TMX2: variants seen among roughly 807,000 people sequenced by gnomAD.
The protein encoded by TMX2 is thioredoxin related transmembrane protein 2, also known as thioredoxin-related transmembrane protein 2.
TMX2 carries 20 observed loss-of-function variants against 33.4 expected under a neutral mutation model. The ratio of observed to expected loss-of-function variants is 0.60; its 90% CI spans 0.42 to 0.87. The LOEUF (loss-of-function observed/expected upper bound fraction) is 0.87, where lower values mean the gene tolerates loss of function less well. Ranked by LOEUF, TMX2 falls within the 40% of genes least tolerant of loss-of-function variation. The probability of loss-of-function intolerance (pLI) is 0.00; values close to 1 mark genes in which losing one functional copy is unlikely to be tolerated. For synonymous variants in TMX2, 166 were observed against 140.7 expected, an observed-to-expected ratio of 1.18 and a Z score of -1.27; for missense variants, 340 against 370.7, an observed-to-expected ratio of 0.92 and a Z score of 0.68.
chr11:57,731,125 G>GTTTTT (rs757832822), intron 1 of TMX2, among the ~76,000 whole-genome samples: 5 of 85,820 alleles, frequency 5.8e-5, no homozygotes, highest in African/African-American at 1.3e-4. Context: ...TTTGTTTTTT[G>GTTTTT]TTTTTTTTTT....
chr11:57,739,841 A>G lies in TMX2; in HGVS notation c.745-258A>G, dbSNP rs191931735. On this transcript the variant is annotated intron_variant, in intron 7 of 7. Transcript: ENST00000278422. ...CCCTGTCAGTTAATTGGAGGTAATA[A>G]CCCCTGGCTTACAGGGTTGTTTTGC... Among the ~76,000 whole-genome samples the G allele has an allele frequency of 2.0e-4, 31 of 152,214 alleles. No homozygotes were observed. The East Asian group carries it at 2.9e-3, about 14-fold the overall frequency.
At chr11:57,739,282 T>C in intron 7 of TMX2, 22 bp downstream of exon 7, 1 of 1,613,860 alleles carries the variant, frequency 6.2e-7, no homozygotes, top group African/African-American at 1.3e-5. Context: ...GAAGGGCAGG[T>C]GCATGAAGGG....
At chr11:57,736,080 CCT>C (rs1169813407) in intron 1 of TMX2, among the ~76,000 whole-genome samples, 1 of 151,920 alleles carries the variant, frequency 6.6e-6, no homozygotes, top group East Asian at 1.9e-4. Context: ...GACCTCACAC[CCT>C]GTTATGGCCG....
intron 1 of TMX2, among the ~76,000 whole-genome samples, chr11:57,734,188 G>A (rs1324110523): frequency 3.4e-4 from 38 of 113,358 alleles, no homozygotes; most frequent in African/African-American, 8.8e-4. Context: ...AAAAAAAAAA[G>A]GACTGCAAGG....
In TMX2 at chr11:57,740,525, C is replaced by T. The variant is rs905546249; in HGVS notation, c.*280C>T. The T allele has an allele frequency of 4.3e-5, 14 of 325,206 alleles. No homozygotes were observed. The highest frequency in any genetic ancestry group is 7.9e-5 in the Non-Finnish European group (14 of 176,258). The allele number at this position is 325,206 out of a possible 1,614,324, so 20.1% of individuals were successfully genotyped here. ...CAAGCTTGGGTCAGTGTGTTAACTG[C>T]TTATCAGCTATTCAGACATCTCCAT... On this transcript the variant is annotated 3_prime_UTR_variant, in exon 8 of 8. Transcript: ENST00000278422.
chr11:57,730,181 CTT>C (rs1162978586), intron 1 of TMX2, among the ~76,000 whole-genome samples: 2 of 150,420 alleles, frequency 1.3e-5, no homozygotes, highest in Non-Finnish European at 3.0e-5. Context: ...ATCCCAGTAA[CTT>C]TGGGAGGCCG....
At chr11:57,728,338 A>T (rs895618774) in intron 1 of TMX2, among the ~76,000 whole-genome samples, 1 of 151,928 alleles carries the variant, frequency 6.6e-6, no homozygotes, top group Non-Finnish European at 1.5e-5. Flanking sequence ...AATTTTTTAT[A>T]TTTTTAGTAG....
chr11:57,728,032 CCTCT>C (rs1346414371), intron 1 of TMX2, among the ~76,000 whole-genome samples: 3 of 152,206 alleles, frequency 2.0e-5, no homozygotes, highest in Admixed American at 6.5e-5. Context: ...ATGTCTCATG[CCTCT>C]CTAAAATATT....
At chr11:57,731,433 CTTTTTT>C (rs140987390) in intron 1 of TMX2, among the ~76,000 whole-genome samples, 4 of 66,998 alleles carry the variant, frequency 6.0e-5, no homozygotes, top group Admixed American at 2.1e-4. Flanking sequence ...CGCACCCAGC[CTTTTTT>C]TTTTTTTTTT....
chr11:57,720,534 G>A (rs1006374184), intron 1 of TMX2, among the ~76,000 whole-genome samples: 4 of 152,160 alleles, frequency 2.6e-5, no homozygotes, highest in Non-Finnish European at 5.9e-5. Flanking sequence ...CTGAGTAGCT[G>A]GGATCACAGG....
intron 1 of TMX2, among the ~76,000 whole-genome samples, chr11:57,734,843 A>G (rs1208050430): frequency 6.6e-6 from 1 of 152,100 alleles, no homozygotes; most frequent in African/African-American, 2.4e-5. Context: ...TCATTCATGA[A>G]AATCTTTCCT....
chr11:57,730,610 C>T (rs536441673), intron 1 of TMX2, among the ~76,000 whole-genome samples: 7 of 151,504 alleles, frequency 4.6e-5, no homozygotes, highest in East Asian at 3.9e-4. Flanking sequence ...TGGTGGTGGG[C>T]GCCTGTAATC....
intron 1 of TMX2, among the ~76,000 whole-genome samples, chr11:57,725,176 G>A (rs1454050654): frequency 6.6e-6 from 1 of 152,144 alleles, no homozygotes; most frequent in African/African-American, 2.4e-5. Flanking sequence ...AGCCTTTTGT[G>A]TGGAGCATTT....
intron 1 of TMX2, among the ~76,000 whole-genome samples, chr11:57,734,996 GGT>G (rs1277156566): frequency 6.6e-6 from 1 of 151,116 alleles, no homozygotes; most frequent in East Asian, 2.0e-4. Context: ...CGGGCGTGGT[GGT>G]GGGCACCTGT....
chr11:57,713,643 G>A (rs770121701), intron 1 of TMX2, among the ~76,000 whole-genome samples: 2 of 152,168 alleles, frequency 1.3e-5, no homozygotes, highest in Non-Finnish European at 2.9e-5. Context: ...ATTAATAGGA[G>A]AAAGGCATAG....
At chr11:57,718,757 G>T (rs945055681) in intron 1 of TMX2, among the ~76,000 whole-genome samples, 2 of 147,242 alleles carry the variant, frequency 1.4e-5, no homozygotes, top group African/African-American at 5.0e-5. Context: ...CTGGGTTCAA[G>T]TAATTCTCCT....
In TMX2 at chr11:57,722,746, G is replaced by GT. The variant is rs949976353; in HGVS notation, c.189+9948dup. Among the ~76,000 whole-genome samples the GT allele has an allele frequency of 4.6e-5, 7 of 151,684 alleles. No individual in the cohort carries two copies. In the East Asian group the frequency reaches 9.7e-4, roughly 21 times the overall value. On this transcript the variant is annotated intron_variant, in intron 1 of 7. Coordinates refer to ENST00000278422, the MANE Select transcript of TMX2 (RefSeq NM_015959.4). ...CTTAAAGTCATGTTTAAACCCTCAA[G>GT]TTTTTTTTTCCCCCACTGGAAATTT...
intron 1 of TMX2, among the ~76,000 whole-genome samples, chr11:57,717,163 C>T (rs1335104546): frequency 2.0e-5 from 3 of 151,748 alleles, no homozygotes; most frequent in Admixed American, 6.6e-5. Context: ...GGAAGAGGCG[C>T]TCCTCACTTC....
chr11:57,718,366 A>G, intron 1 of TMX2: 1 of 1,498,874 alleles, frequency 6.7e-7, no homozygotes, highest in African/African-American at 1.4e-5. Context: ...ACCCTGGAAT[A>G]ATTCTGTGAA....
Sources: gnomAD v4.1 joint callset for allele counts (sites outside exome capture counted in the v4.1 genomes callset) on GRCh38, gnomAD v4.1.1 for gene constraint, MANE v1.5 for transcripts, NCBI Gene and HGNC (gene_info 2026-07-23, HGNC 2026-07-21) for gene names.